Variants in LRRC1 observed in about 807,000 individuals in gnomAD.
The protein encoded by LRRC1 is leucine-rich repeat-containing protein 1.
LRRC1 carries 28 observed loss-of-function variants against 69.9 expected under a neutral mutation model. That is an observed-to-expected ratio of 0.40 (90% confidence interval 0.30 to 0.55). The LOEUF (loss-of-function observed/expected upper bound fraction) is 0.55. LRRC1 is among the 20% of genes least tolerant of loss of function. LRRC1 has a pLI of 0.47. For synonymous variants in LRRC1, 236 were observed against 240.2 expected (o/e 0.98, Z 0.16); for missense variants, 498 against 609.0 (o/e 0.82, Z 1.92).
intron 10 of LRRC1, among the ~76,000 whole-genome samples, chr6:53,907,030 A>G (rs1413142864): frequency 1.3e-5 from 2 of 152,214 alleles, no homozygotes; most frequent in Admixed American, 1.3e-4. Context: ...CCAAACCAGC[A>G]AGAGCCTCCT....
chr6:53,825,671 A>G (rs1314047969), intron 1 of LRRC1, among the ~76,000 whole-genome samples: 1 of 152,062 alleles, frequency 6.6e-6, no homozygotes, highest in Non-Finnish European at 1.5e-5. Context: ...CTGCAGACCT[A>G]TTGAGTAAAC....
intron 2 of LRRC1, among the ~76,000 whole-genome samples, chr6:53,862,012 A>G (rs1007251895): frequency 6.6e-6 from 1 of 152,172 alleles, no homozygotes; most frequent in Non-Finnish European, 1.5e-5. Context: ...CAGGGGAGGA[A>G]AAGATTCCCA....
intron 10 of LRRC1, among the ~76,000 whole-genome samples, chr6:53,905,671 G>T (rs1338862443): frequency 6.6e-6 from 1 of 152,122 alleles, no homozygotes; most frequent in Non-Finnish European, 1.5e-5. Flanking sequence ...ACATCTCAGG[G>T]TATCTGAACT....
chr6:53,834,946 A>T (rs1478778731), intron 1 of LRRC1, among the ~76,000 whole-genome samples: 1 of 152,246 alleles, frequency 6.6e-6, no homozygotes, highest in Non-Finnish European at 1.5e-5. Context: ...TGGGCGACAG[A>T]GCGAGACTCC....
chr6:53,820,530 A>G (rs1039876798), intron 1 of LRRC1, among the ~76,000 whole-genome samples: 24 of 151,180 alleles, frequency 1.6e-4, no homozygotes, highest in African/African-American at 5.8e-4. Flanking sequence ...TCATCAGGTC[A>G]TGAGCCCACT....
At chr6:53,816,995 C>A (rs1764969474) in intron 1 of LRRC1, among the ~76,000 whole-genome samples, 1 of 152,158 alleles carries the variant, frequency 6.6e-6, no homozygotes, top group South Asian at 2.1e-4. Flanking sequence ...TTTTGACCCC[C>A]AATTATGGAC....
chr6:53,814,315 A>G (rs1764887746), intron 1 of LRRC1, among the ~76,000 whole-genome samples: 1 of 152,248 alleles, frequency 6.6e-6, no homozygotes, highest in African/African-American at 2.4e-5. Context: ...GCTTACACAT[A>G]CAAATGCATA....
intron 1 of LRRC1, among the ~76,000 whole-genome samples, chr6:53,814,997 T>C (rs1176196817): frequency 6.6e-6 from 1 of 152,192 alleles, no homozygotes; most frequent in Non-Finnish European, 1.5e-5. Flanking sequence ...AGGCTGTCTT[T>C]CTTTGGCTGG....
At chr6:53,883,564 A>T (rs1767370274) in intron 4 of LRRC1, among the ~76,000 whole-genome samples, 1 of 152,228 alleles carries the variant, frequency 6.6e-6, no homozygotes, top group South Asian at 2.1e-4. Flanking sequence ...AATCCATTGA[A>T]GACAATGTAT....
chr6:53,858,411 T>C (rs1000253285), intron 2 of LRRC1, among the ~76,000 whole-genome samples: 9 of 151,980 alleles, frequency 5.9e-5, no homozygotes, highest in African/African-American at 2.2e-4. Flanking sequence ...TCACACTGTA[T>C]TGGGCTTATT....
chr6:53,870,079 A>G (rs560624429), intron 2 of LRRC1, among the ~76,000 whole-genome samples: 1 of 152,210 alleles, frequency 6.6e-6, no homozygotes, highest in South Asian at 2.1e-4. Context: ...CATACAAGCA[A>G]TTTAGCCTGG....
chr6:53,880,497 C>G (rs1016729209), intron 3 of LRRC1, among the ~76,000 whole-genome samples: 4 of 152,178 alleles, frequency 2.6e-5, no homozygotes, highest in African/African-American at 9.6e-5. Context: ...TCATTGACCT[C>G]AGTTACCTGT....
At chr6:53,843,041 G>A (rs1765838164) in intron 2 of LRRC1, among the ~76,000 whole-genome samples, 1 of 152,030 alleles carries the variant, frequency 6.6e-6, no homozygotes, top group Non-Finnish European at 1.5e-5. Context: ...CCTTGTTGTA[G>A]CATATTTGAT....
chr6:53,873,041 G>A (rs1254487902), intron 2 of LRRC1, among the ~76,000 whole-genome samples: 1 of 152,030 alleles, frequency 6.6e-6, no homozygotes, highest in African/African-American at 2.4e-5. Context: ...GCAAGTGTAA[G>A]CCACCATGCC....
At chr6:53,822,873 A>G (rs529932081) in intron 1 of LRRC1, among the ~76,000 whole-genome samples, 1 of 152,320 alleles carries the variant, frequency 6.6e-6, no homozygotes, top group South Asian at 2.1e-4. Context: ...GCATATTCCC[A>G]TGAGTGAGGA....
intron 2 of LRRC1, among the ~76,000 whole-genome samples, chr6:53,864,648 A>G (rs1766637711): frequency 6.6e-6 from 1 of 152,168 alleles, no homozygotes; most frequent in Admixed American, 6.5e-5. Context: ...GGCAAAGATT[A>G]GAGAGAATGC....
chr6:53,816,102 T>G (rs1764943744), intron 1 of LRRC1, among the ~76,000 whole-genome samples: 1 of 152,234 alleles, frequency 6.6e-6, no homozygotes, highest in Non-Finnish European at 1.5e-5. Context: ...GGCAAACGCA[T>G]GAAGGTGTGT....
intron 1 of LRRC1, among the ~76,000 whole-genome samples, chr6:53,831,087 A>G (rs1765415018): frequency 6.6e-6 from 1 of 151,776 alleles, no homozygotes; most frequent in South Asian, 2.1e-4. Flanking sequence ...ACCACAATAT[A>G]TGTTTTAGCT....
intron 1 of LRRC1, among the ~76,000 whole-genome samples, chr6:53,825,622 T>A (rs1051430515): frequency 1.3e-5 from 2 of 152,162 alleles, no homozygotes; most frequent in Middle Eastern, 3.4e-3. Context: ...TTCATGAGAG[T>A]CACCCGGAGA....
Sources: allele counts gnomAD v4.1 joint callset (sites outside exome capture counted in the v4.1 genomes callset), GRCh38; gene constraint gnomAD v4.1.1; transcripts MANE v1.5; gene names NCBI Gene and HGNC (gene_info 2026-07-23, HGNC 2026-07-21).